HTT: variants seen among roughly 807,000 people sequenced by gnomAD.
HTT encodes huntington disease protein.
HTT carries 104 observed loss-of-function variants against 362.3 expected under a neutral mutation model. That is an observed-to-expected ratio of 0.29 (90% CI 0.24 to 0.34). The LOEUF (loss-of-function observed/expected upper bound fraction) is 0.34. Ranked by LOEUF, HTT falls within the 10% of genes least tolerant of loss-of-function variation. HTT has a pLI of 1.00. For missense variants in HTT, 3,301 were observed against 3,928.6 expected (o/e 0.84, Z 4.27); for synonymous variants, 1,577 against 1,548.7 (o/e 1.02, Z -0.43).
chr4:3,125,909 C>A (rs1030368082), intron 11 of HTT, among the ~76,000 whole-genome samples: 1 of 152,068 alleles, frequency 6.6e-6, no homozygotes, highest in Admixed American at 6.6e-5. Context: ...TAGGGGATGG[C>A]AGGTCGAAAC....
intron 22 of HTT, among the ~76,000 whole-genome samples, 155 bp downstream of exon 22, chr4:3,140,811 T>A (rs1037042048): frequency 7.9e-5 from 12 of 152,118 alleles, no homozygotes; most frequent in Admixed American, 2.6e-4. Flanking sequence ...ATATTATCAT[T>A]TTGAGGATTG....
In HTT at chr4:3,206,528, G is replaced by T. The variant is rs761470964; in HGVS notation, c.5751G>T (p.Thr1917=). 1.2e-6 allele frequency: 2 copies of T among 1,613,902 alleles called. No homozygotes were observed. The highest frequency in any genetic ancestry group is 1.3e-5 in the African/African-American group (1 of 74,982). ...ACCTCCATGACTCCGAGCACTTAAC[G>T]TGGCTCATTGTAAATCACATTCAAG... ...CQNLHDSEHL[T]WLIVNHIQDL... is the part of the protein sequence containing the mutation. Residue 1917 remains threonine, a synonymous_variant, in exon 43 of 67, where the codon ACG becomes ACT. Coordinates refer to ENST00000355072, the MANE Select transcript of HTT (RefSeq NM_001388492.1). The surrounding 1 kb of genome is among the most constrained non-coding windows in gnomAD (Gnocchi z 4.6).
At chr4:3,079,519 A>G (rs1011266649) in intron 1 of HTT, among the ~76,000 whole-genome samples, 3 of 152,116 alleles carry the variant, frequency 2.0e-5, no homozygotes, top group Admixed American at 2.0e-4. Flanking sequence ...CAGGTCCAAA[A>G]TCTTCCTGTT....
chr4:3,125,062 G>A (rs2110181491), intron 10 of HTT, among the ~76,000 whole-genome samples: 1 of 152,226 alleles, frequency 6.6e-6, no homozygotes, highest in East Asian at 1.9e-4. Context: ...TAATGCTTAA[G>A]TTCTGATTGT....
chr4:3,141,554 G>A (rs1716346999), intron 22 of HTT, among the ~76,000 whole-genome samples: 1 of 152,348 alleles, frequency 6.6e-6, no homozygotes, highest in Admixed American at 6.5e-5. Context: ...CTTGAGCTCA[G>A]GGGTTCAAGA....
chr4:3,220,431 C>T, intron 53 of HTT, 123 bp downstream of exon 53: 1 of 1,005,594 alleles, frequency 9.9e-7, no homozygotes, highest in East Asian at 2.4e-5. Context: ...GATAATAATA[C>T]AAACCTATGT....
At chr4:3,199,710 T>G (rs1413646887) in intron 40 of HTT, 22 bp from the exon 41 acceptor site, 1 of 1,608,852 alleles carries the variant, frequency 6.2e-7, no homozygotes. Context: ...GCAAAGACAT[T>G]TCTCCTTAAC....
At position 3,204,500 on chromosome 4, in the gene HTT, C is replaced by T. The variant is rs141084385; in HGVS notation, c.5718+352C>T. ...AATGATTTAAAAAACAAAGTAAGTG[C>T]ATTGACTGTAGTGGGGTTCTGATTT... On this transcript the variant is annotated intron_variant, in intron 42 of 66. Coordinates refer to ENST00000355072, the MANE Select transcript of HTT (RefSeq NM_001388492.1). 6.6e-3 allele frequency among the ~76,000 whole-genome samples: 998 copies of T among 152,248 alleles called. 2 individuals are homozygous for T. Among genetic ancestry groups the T allele is most frequent in the Middle Eastern group, 0.014 (4 of 294 alleles).
chr4:3,208,986 T>C, intron 46 of HTT, 75 bp downstream of exon 46: 8 of 1,467,074 alleles, frequency 5.5e-6, no homozygotes, highest in Non-Finnish European at 6.4e-6. Context: ...ATACAGAGAG[T>C]GCAGAGGAGG....
rs190593027 is a variant in HTT, at chr4:3,142,801, C to T, written c.2981C>T (p.Thr994Ile). Residue 994 changes from threonine (T) to isoleucine (I), a missense_variant, in exon 23 of 67, where the codon ACA becomes ATA. Around this residue, in one of 4 missense-constraint regions of HTT, gnomAD observed 2,316 missense variants for 2,658.5 expected, o/e 0.87. Coordinates refer to ENST00000355072, the MANE Select transcript of HTT (RefSeq NM_001388492.1). ...YRGYNLLPSI[T>I]DVTMENNLSR... ...GGCTATAACCTACTACCAAGCATAACAGACGTCACTATGGAAAATAACCTT... is the reference window on the plus strand; with the variant it reads ...GGCTATAACCTACTACCAAGCATAATAGACGTCACTATGGAAAATAACCTT... 389 of 1,575,348 alleles carry T rather than the reference C, an allele frequency of 2.5e-4. No homozygotes were observed. The highest frequency in any genetic ancestry group is 1.5e-4 in the Non-Finnish European group (169 of 1,145,032).
At position 3,235,213 on chromosome 4, in the gene HTT, C is replaced by T. The variant is rs150072279; in HGVS notation, c.8457-71C>T. 2,103 of 1,100,956 alleles carry T rather than the reference C, an allele frequency of 1.9e-3. 32 individuals carry two copies. The African/African-American group carries it at 0.023, about 12-fold the overall frequency. 68.2% of individuals were successfully genotyped at this position (1,100,956 alleles called of 1,614,324 possible). ...ATAGCTCTACACTCCCGCGTGGGGC[C>T]GGACATGCTGTGAAGCCCTCTCCAC... On this transcript the variant is annotated intron_variant, in intron 61 of 66. Transcript: ENST00000355072.
chr4:3,221,535 A>G (rs1720672491), intron 53 of HTT, among the ~76,000 whole-genome samples: 1 of 152,126 alleles, frequency 6.6e-6, no homozygotes, highest in Admixed American at 6.5e-5. Context: ...CTGTGTCTGA[A>G]TCAGTCCTGC....
chr4:3,196,972 G>A (rs1719284548), intron 40 of HTT, among the ~76,000 whole-genome samples: 1 of 152,100 alleles, frequency 6.6e-6, no homozygotes, highest in Non-Finnish European at 1.5e-5. Context: ...TGTTTCTCAA[G>A]CCATGGCAGC....
chr4:3,142,962 G>A, intron 23 of HTT, 76 bp downstream of exon 23: 2 of 1,167,930 alleles, frequency 1.7e-6, no homozygotes, highest in Non-Finnish European at 2.5e-6. Context: ...TAGTTGTATG[G>A]TCATCTTACG....
intron 61 of HTT, 56 bp downstream of exon 61, chr4:3,233,409 AAGCAGCATCACCCTCTCC>A: frequency 6.6e-7 from 1 of 1,505,450 alleles, no homozygotes; most frequent in Non-Finnish European, 9.1e-7. Flanking sequence ...GCTGTGAAGG[AAGCAGCATCACCCTCTCC>A]AAGTGCCCAG....
chr4:3,190,805 G>A (rs1718978975), intron 40 of HTT, among the ~76,000 whole-genome samples: 1 of 152,222 alleles, frequency 6.6e-6, no homozygotes, highest in African/African-American at 2.4e-5. Flanking sequence ...TTTCCAAGAA[G>A]AACGATCGTT....
At chr4:3,200,004 A>G in intron 41 of HTT, 65 bp downstream of exon 41, 2 of 1,383,282 alleles carry the variant, frequency 1.4e-6, no homozygotes, top group Non-Finnish European at 2.0e-6. Flanking sequence ...ACTCCCAGTA[A>G]CCTGAGCTTT....
rs1227159106 is a variant in HTT, at chr4:3,121,787, G to A, written c.1273+355G>A. On this transcript the variant is annotated intron_variant, in intron 9 of 66. Transcript: ENST00000355072. The stretch of plus-strand genomic sequence containing the variant: ...AGGCTGAGGTGGTAGGATTGCTTAA[G>A]CCCAAGAGGTTGAGGCTGCAGTGAA... The A allele has an allele frequency of 2.2e-5, 4 of 179,144 alleles. No individual in the cohort carries two copies. In the Admixed American group the frequency reaches 2.3e-4, roughly 10 times the overall value. The allele number at this position is 179,144 out of a possible 1,614,324, so 11.1% of individuals were successfully genotyped here. A position where few individuals can be genotyped will look rare whatever the true frequency, so the allele number is the denominator to read the frequency against.
At chr4:3,215,565 T>A (rs16844062) in intron 51 of HTT, among the ~76,000 whole-genome samples, 3,083 of 152,326 alleles carry the variant, frequency 0.02, 93 homozygotes, top group African/African-American at 0.067. Context: ...CAGAAATTAA[T>A]GCTCGGCCTC....
Sources: gnomAD v4.1 joint callset for allele counts (sites outside exome capture counted in the v4.1 genomes callset) on GRCh38, gnomAD v4.1.1 for gene constraint, gnomAD v4.1.1 regional missense constraint, Gnocchi (gnomAD v3.1) non-coding constraint, MANE v1.5 for transcripts, NCBI Gene and HGNC (gene_info 2026-07-23, HGNC 2026-07-21) for gene names.